Variants in CAMTA1 observed in about 807,000 individuals in gnomAD.
CAMTA1 encodes the protein calmodulin binding transcription activator 1.
A neutral mutation model predicts 170.9 loss-of-function variants in CAMTA1; 27 were observed. That is an observed-to-expected ratio of 0.16 (90% CI 0.12 to 0.22). The LOEUF (loss-of-function observed/expected upper bound fraction) is 0.22. Among genes scored for constraint, CAMTA1 ranks in the 10% least tolerant of loss-of-function variants. CAMTA1 has a pLI of 1.00. For synonymous variants in CAMTA1, 833 were observed against 891.5 expected (o/e 0.93, Z 1.17); for missense variants, 1,619 against 2,217.2 (o/e 0.73, Z 5.42).
chr1:6,833,178 C>A (rs1234451913), intron 3 of CAMTA1, among the ~76,000 whole-genome samples: 1 of 152,126 alleles, frequency 6.6e-6, no homozygotes, highest in Non-Finnish European at 1.5e-5. Flanking sequence ...ATATTTATAG[C>A]ATTTGAATAA....
intron 6 of CAMTA1, among the ~76,000 whole-genome samples, chr1:7,488,555 C>T (rs964095994): frequency 1.8e-4 from 27 of 152,094 alleles, no homozygotes; most frequent in Non-Finnish European, 2.6e-4. Flanking sequence ...TACATCTGTA[C>T]ACATGCATGC....
chr1:7,182,654 T>C (rs1652447362), intron 4 of CAMTA1, among the ~76,000 whole-genome samples: 1 of 152,196 alleles, frequency 6.6e-6, no homozygotes, highest in South Asian at 2.1e-4. Context: ...ACAGTCAAAA[T>C]GCAAATGACT....
Position 7,673,949 on chromosome 1 carries a change from G to A in CAMTA1, c.2779+2912G>A, listed in dbSNP as rs1457992642. On this transcript the variant is annotated intron_variant, in intron 10 of 22. Transcript: ENST00000303635. This position sits in a 1 kb window ranked among gnomAD's most constrained non-coding sequence, Gnocchi z 4.6. Reference sequence around the variant, plus strand: ...CTCGGTCCAGGGAGGAGTGCAGTGCGCAAATGAATCACTGCTCCGGAGATG... The same window carrying A: ...CTCGGTCCAGGGAGGAGTGCAGTGCACAAATGAATCACTGCTCCGGAGATG... Among the ~76,000 whole-genome samples, 1 of 152,128 alleles carries A rather than the reference G, an allele frequency of 6.6e-6. No homozygotes were observed. Among genetic ancestry groups the A allele is most frequent in the Non-Finnish European group, 1.5e-5 (1 of 68,032 alleles).
chr1:6,912,377 A>G (rs186303323), intron 3 of CAMTA1, among the ~76,000 whole-genome samples: 25 of 152,334 alleles, frequency 1.6e-4, no homozygotes, highest in Admixed American at 1.6e-3. Flanking sequence ...GAAGTCACCA[A>G]GTGTGAAAAT....
intron 6 of CAMTA1, among the ~76,000 whole-genome samples, chr1:7,582,454 A>G (rs1379738061): frequency 6.6e-6 from 1 of 152,178 alleles, no homozygotes; most frequent in Non-Finnish European, 1.5e-5. Context: ...GGTTGGGTTC[A>G]GCTGTGAGTG....
At chr1:7,506,818 CAG>C (rs1331192486) in intron 6 of CAMTA1, among the ~76,000 whole-genome samples, 1 of 151,814 alleles carries the variant, frequency 6.6e-6, no homozygotes, top group Non-Finnish European at 1.5e-5. Context: ...CATGCTCACA[CAG>C]AACTACACCC....
intron 3 of CAMTA1, among the ~76,000 whole-genome samples, chr1:6,848,663 C>T (rs945554661): frequency 4.6e-5 from 7 of 152,278 alleles, no homozygotes; most frequent in East Asian, 1.9e-4. Context: ...ACCTCTAAGA[C>T]GTGATCCTGT....
chr1:7,665,240 C>A lies in CAMTA1; in HGVS notation c.2652+41C>A. ...TGCCACCACCTGTCACCTCCCCTCCCACCCACCTCGCCAGCCCCTGCGCCA... is the reference window on the plus strand; with the variant it reads ...TGCCACCACCTGTCACCTCCCCTCCAACCCACCTCGCCAGCCCCTGCGCCA... On this transcript the variant is annotated intron_variant, in intron 9 of 22. Transcript: ENST00000303635. The surrounding 1 kb of genome is among the most constrained non-coding windows in gnomAD (Gnocchi z 4.3). 1.4e-6 allele frequency: 2 copies of A among 1,421,282 alleles called. No individual in the cohort carries two copies. The highest frequency in any genetic ancestry group is 1.7e-5 in the South Asian group (1 of 58,502). The allele number at this position is 1,421,282 out of a possible 1,614,324, so 88.0% of individuals were successfully genotyped here. A position where few individuals can be genotyped will look rare whatever the true frequency, so the allele number is the denominator to read the frequency against.
intron 6 of CAMTA1, among the ~76,000 whole-genome samples, chr1:7,485,778 A>G (rs1482949528): frequency 6.6e-6 from 1 of 152,216 alleles, no homozygotes; most frequent in Non-Finnish European, 1.5e-5. Context: ...AGGGACACCC[A>G]GTGACTTAGC....
chr1:7,274,291 A>C (rs1367337995), intron 5 of CAMTA1, among the ~76,000 whole-genome samples: 1 of 152,150 alleles, frequency 6.6e-6, no homozygotes, highest in Non-Finnish European at 1.5e-5. Context: ...AATACTAACC[A>C]TAAGAAAACT....
At chr1:7,662,955 C>G (rs1444381913) in intron 8 of CAMTA1, among the ~76,000 whole-genome samples, 1 of 152,188 alleles carries the variant, frequency 6.6e-6, no homozygotes, top group Admixed American at 6.5e-5. Context: ...GCCACTCTCA[C>G]CAGGCTGATC....
At chr1:6,824,424 T>A (rs564522336) in intron 2 of CAMTA1, among the ~76,000 whole-genome samples, 1 of 152,290 alleles carries the variant, frequency 6.6e-6, no homozygotes, top group Admixed American at 6.5e-5. Flanking sequence ...AAAGTAATTA[T>A]TTTTTCTCTA....
intron 5 of CAMTA1, among the ~76,000 whole-genome samples, chr1:7,457,346 CGTT>C (rs897724196): frequency 2.0e-5 from 3 of 152,002 alleles, no homozygotes; most frequent in African/African-American, 4.8e-5. Context: ...CTCATGTCGT[CGTT>C]AGGCCGGCGG....
intron 7 of CAMTA1, among the ~76,000 whole-genome samples, chr1:7,656,726 T>G (rs1391215833): frequency 6.6e-6 from 1 of 152,184 alleles, no homozygotes; most frequent in East Asian, 1.9e-4. Flanking sequence ...CCCCCAGCCC[T>G]CTCTTCTAGA....
intron 11 of CAMTA1, among the ~76,000 whole-genome samples, chr1:7,706,774 C>T (rs1195939821): frequency 1.3e-5 from 2 of 152,026 alleles, no homozygotes; most frequent in Non-Finnish European, 1.5e-5. Flanking sequence ...ATAATCTGAA[C>T]AACTCAAATG....
At chr1:7,363,590 G>T (rs757692773) in intron 5 of CAMTA1, among the ~76,000 whole-genome samples, 1 of 152,162 alleles carries the variant, frequency 6.6e-6, no homozygotes, top group Non-Finnish European at 1.5e-5. Context: ...CACAGGATGG[G>T]TGACATCGGA....
At chr1:6,786,193 G>A (rs891477913) in intron 1 of CAMTA1, among the ~76,000 whole-genome samples, 1 of 151,970 alleles carries the variant, frequency 6.6e-6, no homozygotes, top group African/African-American at 2.4e-5. Context: ...CTCCCCGCCA[G>A]GGGGACCCCG....
At position 6,956,367 on chromosome 1, in the gene CAMTA1, C is replaced by T. The variant is rs532953840; in HGVS notation, c.234+131157C>T. 4.6e-5 allele frequency among the ~76,000 whole-genome samples: 7 copies of T among 152,282 alleles called. No homozygotes were observed. The South Asian group carries it at 1.5e-3, about 32-fold the overall frequency. ...CTTGTGGGCTTTCTGGAGAGCTCTGCAGGGTCCCAAGTGTCATTTCTCCCT... is the reference window on the plus strand; with the variant it reads ...CTTGTGGGCTTTCTGGAGAGCTCTGTAGGGTCCCAAGTGTCATTTCTCCCT... On this transcript the variant is annotated intron_variant, in intron 3 of 22. Transcript: ENST00000303635.
intron 5 of CAMTA1, among the ~76,000 whole-genome samples, chr1:7,362,384 A>C (rs867574372): frequency 6.6e-6 from 1 of 151,994 alleles, no homozygotes; most frequent in African/African-American, 2.4e-5. Context: ...GAGTTGGTGG[A>C]CTTGGGTACA....
Sources: allele counts gnomAD v4.1 joint callset (sites outside exome capture counted in the v4.1 genomes callset), GRCh38; gene constraint gnomAD v4.1.1; non-coding constraint Gnocchi (gnomAD v3.1); transcripts MANE v1.5; gene names NCBI Gene and HGNC (gene_info 2026-07-23, HGNC 2026-07-21).